The following PLEKHM1 variants were observed in gnomAD, a reference collection of about 807,000 sequenced individuals.
The protein encoded by PLEKHM1 is pleckstrin homology domain-containing family M member 1.
In PLEKHM1, 28 loss-of-function variants were observed where a neutral mutation model predicts 94.3. The observed-to-expected ratio is 0.30, with a 90% CI of 0.22 to 0.41. PLEKHM1 has a LOEUF of 0.41. Among genes scored for constraint, PLEKHM1 ranks in the 10% least tolerant of loss-of-function variants. The pLI, the probability that PLEKHM1 is intolerant of heterozygous loss-of-function variation, is 1.00. For missense variants in PLEKHM1, 907 were observed against 1,358.6 expected, an observed-to-expected ratio of 0.67 and a Z score of 5.22; for synonymous variants, 424 against 581.2, an observed-to-expected ratio of 0.73 and a Z score of 3.89.
chr17:45,469,903 T>C (rs1379116818), intron 4 of PLEKHM1, among the ~76,000 whole-genome samples: 3 of 152,004 alleles, frequency 2.0e-5, no homozygotes, highest in Non-Finnish European at 4.4e-5. Flanking sequence ...TAAAACCCCG[T>C]CTCTACTAAA....
chr17:45,444,133 G>A lies in PLEKHM1; in HGVS notation c.2837+1337C>T, dbSNP rs1043646595. On this transcript the variant is annotated intron_variant, in intron 9 of 11. Coordinates refer to ENST00000430334, the MANE Select transcript of PLEKHM1 (RefSeq NM_014798.3). The surrounding 1 kb of genome is among the most constrained non-coding windows in gnomAD (Gnocchi z 5.0). ...CACTGCAGCCAGGATGGAGGAGGCA[G>A]TCTTCAGAGAGGCGCTCTCTGGGCC... 2.0e-5 allele frequency among the ~76,000 whole-genome samples: 3 copies of A among 152,186 alleles called. No individual in the cohort carries two copies. Among genetic ancestry groups the A allele is most frequent in the African/African-American group, 7.2e-5 (3 of 41,450 alleles).
At position 45,453,837 on chromosome 17, in the gene PLEKHM1, A is replaced by G. The variant is rs2684500; in HGVS notation, c.2015T>C (p.Phe672Ser). 1.2e-6 allele frequency: 2 copies of G among 1,613,984 alleles called. No homozygotes were observed. The highest frequency in any genetic ancestry group is 1.7e-6 in the Non-Finnish European group (2 of 1,179,866). ...TGGAACCTGGGCGGACGACCAGTCAAACTGTGTGCCCTGGAGGGCCGCGGG... is the reference window on the plus strand; with the variant it reads ...TGGAACCTGGGCGGACGACCAGTCAGACTGTGTGCCCTGGAGGGCCGCGGG... ...SEPAALQGTQ[F>S]DWSSAQVPEP... Residue 672 changes from phenylalanine to serine, a missense_variant, in exon 7 of 12, where the codon TTT becomes TCT. By Grantham distance (155) the Phe-to-Ser change is radical. Around this residue, in one of 3 missense-constraint regions of PLEKHM1, gnomAD observed 477 missense variants for 601.5 expected, o/e 0.79. Coordinates refer to ENST00000430334, the MANE Select transcript of PLEKHM1 (RefSeq NM_014798.3). The surrounding 1 kb of genome is among the most constrained non-coding windows in gnomAD (Gnocchi z 4.1).
In PLEKHM1 at chr17:45,437,953, T is replaced by C; in HGVS notation, c.3076A>G (p.Thr1026Ala). 2 of 1,613,426 alleles carry C rather than the reference T, an allele frequency of 1.2e-6. No individual in the cohort carries two copies. The highest frequency in any genetic ancestry group is 1.7e-6 in the Non-Finnish European group (2 of 1,179,956). The change falls in exon 12 of 12, where the codon ACC becomes GCC. Residue 1026 changes from threonine (T) to alanine (A), a missense_variant. Thr to Ala is a moderately conservative substitution (Grantham distance 58, BLOSUM62 0). Transcript: ENST00000430334. This position sits in a 1 kb window ranked among gnomAD's most constrained non-coding sequence, Gnocchi z 4.0. ...GCCTGGCAGCTCTGGTGGAAGACGG[T>C]CTTGCACTCGGCACACCTGGGGAGA... ...DTTVRCAECK[T>A]VFHQSCQAVV...
At chr17:45,442,380 A>G (rs1195639768) in intron 9 of PLEKHM1, among the ~76,000 whole-genome samples, 1 of 151,898 alleles carries the variant, frequency 6.6e-6, no homozygotes, top group Non-Finnish European at 1.5e-5. Flanking sequence ...ACTGCACTCC[A>G]CTGGGGCCAG....
chr17:45,474,590 T>C (rs2051646247), intron 4 of PLEKHM1, among the ~76,000 whole-genome samples: 1 of 152,252 alleles, frequency 6.6e-6, no homozygotes, highest in African/African-American at 2.4e-5. Flanking sequence ...GACCTATTAG[T>C]TTCCTTCCTT....
chr17:45,480,503 A>T (rs982053713), intron 2 of PLEKHM1, among the ~76,000 whole-genome samples: 2 of 152,172 alleles, frequency 1.3e-5, no homozygotes. Flanking sequence ...AAAAAACAAA[A>T]AAACAAAAAA....
chr17:45,447,358 C>G (rs573666264), intron 8 of PLEKHM1, among the ~76,000 whole-genome samples: 1 of 152,392 alleles, frequency 6.6e-6, no homozygotes, highest in African/African-American at 2.4e-5. Flanking sequence ...ATGGCAAACT[C>G]CTGGTGACTT....
chr17:45,442,182 G>A (rs1046117294), intron 9 of PLEKHM1, among the ~76,000 whole-genome samples: 1 of 152,146 alleles, frequency 6.6e-6, no homozygotes, highest in Non-Finnish European at 1.5e-5. Context: ...TCCCAGGTCT[G>A]CCGGAGAGAA....
intron 4 of PLEKHM1, among the ~76,000 whole-genome samples, chr17:45,472,177 T>C (rs755143730): frequency 3.3e-5 from 5 of 152,162 alleles, no homozygotes; most frequent in Non-Finnish European, 7.4e-5. Context: ...TGAGAACATT[T>C]TACCCTTGAA....
chr17:45,488,333 T>C lies in PLEKHM1; in HGVS notation c.-42+2319A>G, dbSNP rs372432944. Reference sequence around the variant, plus strand: ...CCTGACCCATTCACCATTGTATTTCTAGTACCTGGAACAGTGTTTGTCACA... The same window carrying C: ...CCTGACCCATTCACCATTGTATTTCCAGTACCTGGAACAGTGTTTGTCACA... On this transcript the variant is annotated intron_variant, in intron 1 of 11. Transcript: ENST00000430334. Among the ~76,000 whole-genome samples, 18 of 152,316 alleles carry C rather than the reference T, an allele frequency of 1.2e-4. No homozygotes were observed. The East Asian group carries it at 3.3e-3, about 28-fold the overall frequency.
intron 9 of PLEKHM1, among the ~76,000 whole-genome samples, chr17:45,442,184 C>A (rs558571645): frequency 6.6e-6 from 1 of 152,138 alleles, no homozygotes; most frequent in Admixed American, 6.5e-5. Context: ...CCAGGTCTGC[C>A]GGAGAGAACC....
chr17:45,460,585 T>A (rs563683551), intron 5 of PLEKHM1, among the ~76,000 whole-genome samples: 114 of 151,996 alleles, frequency 7.5e-4, no homozygotes, highest in African/African-American at 2.6e-3. Context: ...TGAGGCAGGG[T>A]CTCGCTCTTT....
Position 45,437,927 on chromosome 17 carries a change from A to C in PLEKHM1, c.3102T>G (p.Ala1034=). 1 of 1,613,784 alleles carries C rather than the reference A, an allele frequency of 6.2e-7. No homozygotes were observed. The highest frequency in any genetic ancestry group is 8.5e-7 in the Non-Finnish European group (1 of 1,180,020). Residue 1034 remains alanine, a synonymous_variant, in exon 12 of 12, where the codon GCT becomes GCG. Coordinates refer to ENST00000430334, the MANE Select transcript of PLEKHM1 (RefSeq NM_014798.3). The surrounding 1 kb of genome is among the most constrained non-coding windows in gnomAD (Gnocchi z 4.0). ...AGCGGGGGCAGCCCTTCTTCACCAC[A>C]GCCTGGCAGCTCTGGTGGAAGACGG... ...CKTVFHQSCQ[A]VVKKGCPRCA...
chr17:45,464,583 T>C (rs1361378313), intron 5 of PLEKHM1, among the ~76,000 whole-genome samples: 2 of 152,078 alleles, frequency 1.3e-5, no homozygotes, highest in African/African-American at 2.4e-5. Flanking sequence ...ACCTGGTGAC[T>C]ACCTACTGAA....
intron 6 of PLEKHM1, among the ~76,000 whole-genome samples, chr17:45,455,770 G>C (rs1052529513): frequency 1.3e-5 from 2 of 152,032 alleles, no homozygotes; most frequent in African/African-American, 4.8e-5. Flanking sequence ...CCTCCTAACT[G>C]GTCTTTCTCC....
chr17:45,472,891 C>T (rs1170712030), intron 4 of PLEKHM1, among the ~76,000 whole-genome samples: 1 of 152,104 alleles, frequency 6.6e-6, no homozygotes, highest in African/African-American at 2.4e-5. Flanking sequence ...GGCGAGGGCA[C>T]AGGGCGAGTG....
intron 2 of PLEKHM1, among the ~76,000 whole-genome samples, chr17:45,481,182 G>C (rs1003795303): frequency 8.6e-5 from 13 of 151,964 alleles, no homozygotes; most frequent in Non-Finnish European, 1.5e-4. Context: ...CATCTTTATT[G>C]GCCATGTGTG....
intron 6 of PLEKHM1, among the ~76,000 whole-genome samples, chr17:45,457,691 C>T (rs1043903072): frequency 3.3e-5 from 5 of 152,162 alleles, no homozygotes; most frequent in African/African-American, 4.8e-5. Context: ...TGCCACTGCA[C>T]TCCAGCCTGG....
At chr17:45,449,225 C>CAG (rs761481306) in intron 8 of PLEKHM1, among the ~76,000 whole-genome samples, 7 of 145,976 alleles carry the variant, frequency 4.8e-5, no homozygotes, top group Admixed American at 1.4e-4. Flanking sequence ...AAGGTATAGC[C>CAG]CTGGCCAGCC....
Sources: allele counts gnomAD v4.1 joint callset (sites outside exome capture counted in the v4.1 genomes callset), GRCh38; gene constraint gnomAD v4.1.1; regional missense constraint gnomAD v4.1.1; non-coding constraint Gnocchi (gnomAD v3.1); transcripts MANE v1.5; gene names NCBI Gene and HGNC (gene_info 2026-07-23, HGNC 2026-07-21).